SNRNP70: variants seen among roughly 807,000 people sequenced by gnomAD.
SNRNP70 encodes U1 small nuclear ribonucleoprotein 70 kDa.
In SNRNP70, 8 loss-of-function variants were observed where a neutral mutation model predicts 50.5. The observed-to-expected ratio is 0.16, with a 90% CI of 0.09 to 0.29. SNRNP70 has a LOEUF of 0.29. Ranked by LOEUF, SNRNP70 falls within the 10% of genes least tolerant of loss-of-function variation. The pLI, the probability that SNRNP70 is intolerant of heterozygous loss-of-function variation, is 1.00. For missense variants in SNRNP70, 529 were observed against 663.5 expected (o/e 0.80, Z 2.23); for synonymous variants, 320 against 252.9 (o/e 1.27, Z -2.52).
At position 49,108,289 on chromosome 19, in the gene SNRNP70, G is replaced by C; in HGVS notation, c.1160G>C (p.Arg387Pro). The C allele has an allele frequency of 6.4e-7, 1 of 1,571,782 alleles. No individual in the cohort carries two copies. The highest frequency in any genetic ancestry group is 8.6e-7 in the Non-Finnish European group (1 of 1,159,636). The change falls in exon 10 of 10, where the codon CGG (arginine) becomes CCG (proline). Residue 387 changes from arginine (R) to proline (P), a missense_variant. Around this residue, in one of 4 missense-constraint regions of SNRNP70, gnomAD observed 327 missense variants for 308.8 expected, o/e 1.06. Coordinates refer to ENST00000598441, the MANE Select transcript of SNRNP70 (RefSeq NM_003089.6). ...AAACGGGGGGAGCGGGGCAGTGAGC[G>C]GGGCAGGGATGAGGCCCGAGGTGGG... ...EHKRGERGSE[R>P]GRDEARGGGG...
intron 7 of SNRNP70, chr19:49,102,240 G>T: frequency 1.6e-6 from 2 of 1,232,678 alleles, no homozygotes; most frequent in Non-Finnish European, 2.1e-6. Flanking sequence ...GCTTAGCCAG[G>T]CAGCTCAGGA....
At position 49,104,624 on chromosome 19, in the gene SNRNP70, T is replaced by C. The variant is rs756132777; in HGVS notation, c.476-10T>C. 1 of 1,551,028 alleles carries C rather than the reference T, an allele frequency of 6.4e-7. No homozygotes were observed. The highest frequency in any genetic ancestry group is 1.4e-5 in the African/African-American group (1 of 73,214). On this transcript the variant is annotated splice_polypyrimidine_tract_variant and intron_variant, in intron 7 of 9. Coordinates refer to ENST00000598441, the MANE Select transcript of SNRNP70 (RefSeq NM_003089.6). The surrounding 1 kb of genome is among the most constrained non-coding windows in gnomAD (Gnocchi z 5.4). ...CTCCTCTCCCCTCCCCCTCCCCACATCTGTTACAGCCGCTTACAAACACGC... is the reference window on the plus strand; with the variant it reads ...CTCCTCTCCCCTCCCCCTCCCCACACCTGTTACAGCCGCTTACAAACACGC...
At chr19:49,106,778 T>G (rs547560337) in intron 8 of SNRNP70, among the ~76,000 whole-genome samples, 252 of 152,312 alleles carry the variant, frequency 1.7e-3, no homozygotes, top group Middle Eastern at 0.01. Flanking sequence ...CATCTGTGCC[T>G]TGGGGCTGTT....
intron 4 of SNRNP70, 142 bp from the exon 5 acceptor site, chr19:49,098,285 G>C: frequency 1.4e-6 from 1 of 693,994 alleles, no homozygotes; most frequent in Non-Finnish European, 2.5e-6. Flanking sequence ...CCCTGAGGTT[G>C]CCAGGTCACC....
Position 49,108,451 on chromosome 19 carries a change from G to A in SNRNP70, c.*8G>A, listed in dbSNP as rs753641190. ...GAGGCTGCGCCGGAGTGAAGAGGTC[G>A]TCCTCTCCATCTGCTGTGTTTGGAC... is the stretch of plus-strand genomic sequence containing the variant. On this transcript the variant is annotated 3_prime_UTR_variant, in exon 10 of 10. Coordinates refer to ENST00000598441, the MANE Select transcript of SNRNP70 (RefSeq NM_003089.6). 2.5e-6 allele frequency: 4 copies of A among 1,587,888 alleles called. No homozygotes were observed. The highest frequency in any genetic ancestry group is 3.5e-5 in the Admixed American group (2 of 56,524).
At chr19:49,096,916 G>T (rs1002289593) in intron 4 of SNRNP70, among the ~76,000 whole-genome samples, 1 of 151,946 alleles carries the variant, frequency 6.6e-6, no homozygotes, top group Non-Finnish European at 1.5e-5. Context: ...GATCACCTGA[G>T]GTCAGGAGTT....
intron 4 of SNRNP70, among the ~76,000 whole-genome samples, chr19:49,095,700 T>C (rs1479205759): frequency 2.0e-5 from 3 of 152,024 alleles, no homozygotes; most frequent in Admixed American, 1.3e-4. Context: ...TTTTGTGTAT[T>C]TTTAGTAGGG....
chr19:49,089,140 G>T (rs978824797), intron 2 of SNRNP70, among the ~76,000 whole-genome samples: 2 of 152,198 alleles, frequency 1.3e-5, no homozygotes, highest in Non-Finnish European at 2.9e-5. Flanking sequence ...CAATCTGTTT[G>T]CTTTTGATAA....
chr19:49,093,363 G>C (rs1162527315), intron 4 of SNRNP70, among the ~76,000 whole-genome samples: 1 of 8 alleles, frequency 0.12, no homozygotes, highest in Non-Finnish European at 0.5. Flanking sequence ...TGGGATTACA[G>C]GGCGTAGCCA....
intron 7 of SNRNP70, chr19:49,102,868 CAT>C (rs1259329204): frequency 2.6e-5 from 4 of 152,774 alleles, no homozygotes; most frequent in Middle Eastern, 6.8e-3. Flanking sequence ...AACACAATCA[CAT>C]GTTTTCTTTG....
At chr19:49,093,840 CAAAACAAAAACA>C (rs534099055) in intron 4 of SNRNP70, among the ~76,000 whole-genome samples, 184 of 151,040 alleles carry the variant, frequency 1.2e-3, no homozygotes, top group Non-Finnish European at 1.9e-3. Context: ...CTAAAAATAC[CAAAACAAAAACA>C]AAAACAAAAA....
Position 49,091,885 on chromosome 19 carries a change from A to G in SNRNP70, c.265+1365A>G, listed in dbSNP as rs530367665. The stretch of plus-strand genomic sequence containing the variant: ...TTTGGGTGTTTTCTCTGGGACATAG[A>G]CATTCAGCTGTGCCGGTCATGACCT... On this transcript the variant is annotated intron_variant, in intron 4 of 9. Coordinates refer to ENST00000598441, the MANE Select transcript of SNRNP70 (RefSeq NM_003089.6). 3.9e-5 allele frequency among the ~76,000 whole-genome samples: 6 copies of G among 152,228 alleles called. 1 individual carries two copies. In the South Asian group the frequency reaches 1.2e-3, roughly 32 times the overall value.
In SNRNP70 at chr19:49,085,557, C is replaced by T. The variant is rs752381995; in HGVS notation, c.-90C>T. 2.2e-6 allele frequency: 1 copy of T among 456,052 alleles called. No homozygotes were observed. The highest frequency in any genetic ancestry group is 1.5e-5 in the South Asian group (1 of 64,558). 28.3% of individuals were successfully genotyped at this position (456,052 alleles called of 1,614,324 possible). A position where few individuals can be genotyped will look rare whatever the true frequency, so the allele number is the denominator to read the frequency against. ...GACGCCCCCGGAGTGGAAGCCGAAGCAGGAGTTGTTGTTGCTGAGGGGCTG... is the reference window on the plus strand; with the variant it reads ...GACGCCCCCGGAGTGGAAGCCGAAGTAGGAGTTGTTGTTGCTGAGGGGCTG... On this transcript the variant is annotated 5_prime_UTR_variant, in exon 1 of 10. Transcript: ENST00000598441.
chr19:49,097,284 T>C (rs2040525236), intron 4 of SNRNP70, among the ~76,000 whole-genome samples: 1 of 152,194 alleles, frequency 6.6e-6, no homozygotes, highest in African/African-American at 2.4e-5. Context: ...TTCGCCACTT[T>C]AACACCTCCC....
In SNRNP70 at chr19:49,108,427, A is replaced by T; in HGVS notation, c.1298A>T (p.Glu433Val). Residue 433 changes from glutamate (E) to valine (V), a missense_variant, in exon 10 of 10, where the codon GAG (glutamate) becomes GTG (valine). This residue lies in a region of SNRNP70 where 327 missense variants were observed against 308.8 expected (regional missense o/e 1.06). Transcript: ENST00000598441. Reference sequence around the variant, plus strand: ...GCTCCGGAGAATGGGTATTTGATGGAGGCTGCGCCGGAGTGAAGAGGTCGT... The same window carrying T: ...GCTCCGGAGAATGGGTATTTGATGGTGGCTGCGCCGGAGTGAAGAGGTCGT... Reference protein sequence around the residue: ...YLAPENGYLMEAAPE With the variant: ...YLAPENGYLMVAAPE The T allele has an allele frequency of 1.2e-6, 2 of 1,605,938 alleles. No individual in the cohort carries two copies. Among genetic ancestry groups the T allele is most frequent in the Non-Finnish European group, 1.7e-6 (2 of 1,176,586 alleles).
In SNRNP70 at chr19:49,090,371, C is replaced by T. The variant is rs747563092; in HGVS notation, c.210+18C>T. 1.2e-6 allele frequency: 2 copies of T among 1,613,884 alleles called. No individual in the cohort carries two copies. The highest frequency in any genetic ancestry group is 8.5e-7 in the Non-Finnish European group (1 of 1,179,844). On this transcript the variant is annotated intron_variant, in intron 3 of 9. Transcript: ENST00000598441. ...AGAGGAAAGTATGTCATTTTTGCTT[C>T]CTGACCCCCTGTTTTACCACTGTCT...
At chr19:49,097,309 G>A (rs1250791180) in intron 4 of SNRNP70, among the ~76,000 whole-genome samples, 3 of 152,128 alleles carry the variant, frequency 2.0e-5, no homozygotes, top group East Asian at 1.9e-4. Context: ...TCTGTGTCTC[G>A]AGTTTGTTCT....
rs542138366 is a variant in SNRNP70, at chr19:49,101,121, C to T, written c.394-269C>T. ...CCGGGCCCTTGGACCTCTGGAGTTA[C>T]TGCTATTCCACCTGACAGGCTGACA... On this transcript the variant is annotated intron_variant, in intron 6 of 9. Transcript: ENST00000598441. Among the ~76,000 whole-genome samples the T allele has an allele frequency of 2.8e-3, 422 of 152,376 alleles. 3 individuals are homozygous for T. Among genetic ancestry groups the T allele is most frequent in the African/African-American group, 9.7e-3 (402 of 41,592 alleles).
At chr19:49,088,489 G>T (rs1274992201) in intron 2 of SNRNP70, among the ~76,000 whole-genome samples, 1 of 131,466 alleles carries the variant, frequency 7.6e-6, no homozygotes, top group Non-Finnish European at 1.6e-5. Context: ...GTGAGCCACC[G>T]CACCCGACCT....
Sources: allele counts gnomAD v4.1 joint callset (sites outside exome capture counted in the v4.1 genomes callset), GRCh38; gene constraint gnomAD v4.1.1; regional missense constraint gnomAD v4.1.1; non-coding constraint Gnocchi (gnomAD v3.1); transcripts MANE v1.5; gene names NCBI Gene and HGNC (gene_info 2026-07-23, HGNC 2026-07-21).